WDR75: variants seen among roughly 807,000 people sequenced by gnomAD.
WDR75 encodes WD repeat domain 75.
In WDR75, 52 loss-of-function variants were observed where a neutral mutation model predicts 106.1. That is an observed-to-expected ratio of 0.49 (90% CI 0.39 to 0.62). The LOEUF is 0.62. WDR75 is among the 20% of genes least tolerant of loss of function. The probability of loss-of-function intolerance (pLI) is 0.00; values close to 1 mark genes in which losing one functional copy is unlikely to be tolerated. For missense variants in WDR75, 905 were observed against 970.3 expected, an observed-to-expected ratio of 0.93 and a Z score of 0.89; for synonymous variants, 333 against 335.5, an observed-to-expected ratio of 0.99 and a Z score of 0.08.
chr2:189,447,017 T>C (rs751177441), intron 1 of WDR75, among the ~76,000 whole-genome samples: 3 of 152,200 alleles, frequency 2.0e-5, no homozygotes, highest in Admixed American at 6.5e-5. Context: ...ATGATTCATG[T>C]CTCAGGTGAG....
chr2:189,473,948 A>T (rs1205767584), intron 18 of WDR75, among the ~76,000 whole-genome samples: 1 of 152,190 alleles, frequency 6.6e-6, no homozygotes, highest in Non-Finnish European at 1.5e-5. Context: ...TTGGTGAAGA[A>T]GCAGTGGTAA....
chr2:189,446,763 A>G (rs1686507531), intron 1 of WDR75, among the ~76,000 whole-genome samples: 1 of 152,230 alleles, frequency 6.6e-6, no homozygotes, highest in Non-Finnish European at 1.5e-5. Flanking sequence ...CTATACATAC[A>G]TACCTATGAT....
chr2:189,456,365 G>A (rs545465797), intron 5 of WDR75, among the ~76,000 whole-genome samples: 1 of 152,110 alleles, frequency 6.6e-6, no homozygotes, highest in African/African-American at 2.4e-5. Flanking sequence ...GCTCCAAAAT[G>A]TAAATTAACC....
chr2:189,460,440 TC>T (rs1686854412), intron 8 of WDR75, among the ~76,000 whole-genome samples: 1 of 152,096 alleles, frequency 6.6e-6, no homozygotes, highest in African/African-American at 2.4e-5. Context: ...TCCTTCCCAC[TC>T]CACACCCTCA....
intron 1 of WDR75, among the ~76,000 whole-genome samples, chr2:189,444,095 G>GA (rs1366744723): frequency 4.1e-5 from 6 of 147,024 alleles, no homozygotes; most frequent in Admixed American, 2.7e-4. Context: ...AAGATTTAGA[G>GA]ATTTTTTTTT....
rs146714129 is a variant in WDR75 at position 189,470,830 on chromosome 2, A to T, written c.2001A>T (p.Thr667=). The part of the protein sequence containing the change: ...YFLTKSQSLL[T]FSTKSPEEKL... ...TTCTCTCTTTTCAGAGTTTATTGAC[A>T]TTCAGTACAAAGTCTCCAGAAGAAA... is the stretch of plus-strand genomic sequence containing the variant. The change falls in exon 18 of 21, where the codon ACA becomes ACT. Residue 667 remains threonine (T), a synonymous_variant. Coordinates refer to ENST00000314761, the MANE Select transcript of WDR75 (RefSeq NM_032168.3). 2.8e-4 allele frequency: 446 copies of T among 1,591,314 alleles called. 1 individual carries two copies. Among genetic ancestry groups the T allele is most frequent in the Non-Finnish European group, 3.4e-4 (402 of 1,170,390 alleles).
chr2:189,456,294 T>C (rs1686735294), intron 5 of WDR75, among the ~76,000 whole-genome samples: 1 of 152,136 alleles, frequency 6.6e-6, no homozygotes, highest in Admixed American at 6.5e-5. Flanking sequence ...ATTCCATTCC[T>C]ACATAAAGAG....
In WDR75 at chr2:189,468,544, C is replaced by T. The variant is rs757430244; in HGVS notation, c.1698C>T (p.Cys566=). 3 of 1,613,176 alleles carry T rather than the reference C, an allele frequency of 1.9e-6. No homozygotes were observed. Among genetic ancestry groups the T allele is most frequent in the Non-Finnish European group, 1.7e-6 (2 of 1,179,366 alleles). Residue 566 remains cysteine, a synonymous_variant, in exon 15 of 21, where the codon TGC becomes TGT. Coordinates refer to ENST00000314761, the MANE Select transcript of WDR75 (RefSeq NM_032168.3). ...LLGATENGIL[C]CWNLLSCALE... ...GTGCTACTGAAAATGGCATTCTTTGCTGTTGGAATCTGCTGAGCTGTGCAT... is the reference window on the plus strand; with the variant it reads ...GTGCTACTGAAAATGGCATTCTTTGTTGTTGGAATCTGCTGAGCTGTGCAT...
Position 189,475,521 on chromosome 2 carries a change from T to C in WDR75, c.*104T>C. ...TATTTCTGTTCTAAAAATAAGATAA[T>C]AAATATTAACAAACTTTGCTTTTTT... is the stretch of plus-strand genomic sequence containing the variant. On this transcript the variant is annotated 3_prime_UTR_variant, in exon 21 of 21. Coordinates refer to ENST00000314761, the MANE Select transcript of WDR75 (RefSeq NM_032168.3). 1 of 747,814 alleles carries C rather than the reference T, an allele frequency of 1.3e-6. No homozygotes were observed. The highest frequency in any genetic ancestry group is 2.0e-6 in the Non-Finnish European group (1 of 491,798). 46.3% of individuals were successfully genotyped at this position (747,814 alleles called of 1,614,324 possible). A position where few individuals can be genotyped will look rare whatever the true frequency, so the allele number is the denominator to read the frequency against.
chr2:189,445,874 C>A (rs1686489331), intron 1 of WDR75, among the ~76,000 whole-genome samples: 1 of 152,082 alleles, frequency 6.6e-6, no homozygotes, highest in Admixed American at 6.5e-5. Context: ...ATGTAGATAG[C>A]AGAGAGTGCA....
intron 1 of WDR75, among the ~76,000 whole-genome samples, chr2:189,442,018 C>G (rs371627111): frequency 2.0e-5 from 3 of 152,122 alleles, no homozygotes; most frequent in African/African-American, 7.2e-5. Context: ...GCAGTCTTTT[C>G]GGAACTTTAC....
At chr2:189,449,256 T>C (rs1385948926) in intron 2 of WDR75, 3 of 1,303,578 alleles carry the variant, frequency 2.3e-6, no homozygotes, top group Non-Finnish European at 2.0e-6. Flanking sequence ...CACAGCCAAC[T>C]TGGAAGTTAT....
intron 12 of WDR75, among the ~76,000 whole-genome samples, chr2:189,465,950 A>G (rs1283594909): frequency 6.6e-6 from 1 of 152,170 alleles, no homozygotes; most frequent in African/African-American, 2.4e-5. Flanking sequence ...AATAAGCTTT[A>G]AGAAGTCATT....
intron 13 of WDR75, among the ~76,000 whole-genome samples, chr2:189,467,127 A>G (rs1687019154): frequency 6.6e-6 from 1 of 152,108 alleles, no homozygotes; most frequent in South Asian, 2.1e-4. Flanking sequence ...AACTGCAGAT[A>G]GTACCGAACC....
At chr2:189,469,464 T>TA in intron 16 of WDR75, 25 bp downstream of exon 16, 1 of 1,551,824 alleles carries the variant, frequency 6.4e-7, no homozygotes, top group South Asian at 1.1e-5. Context: ...CACTTTGTAG[T>TA]AAGAGAACAT....
intron 6 of WDR75, 36 bp downstream of exon 6, chr2:189,457,417 C>A: frequency 7.6e-7 from 1 of 1,320,770 alleles, no homozygotes; most frequent in Non-Finnish European, 1.1e-6. Context: ...ATTTTATTTG[C>A]TCAAGAGTTC....
chr2:189,442,596 G>A (rs1322280109), intron 1 of WDR75, among the ~76,000 whole-genome samples: 1 of 151,670 alleles, frequency 6.6e-6, no homozygotes, highest in Non-Finnish European at 1.5e-5. Context: ...TATTATAAGC[G>A]CGGGCCACCA....
Position 189,474,782 on chromosome 2 carries a change from A to G in WDR75, c.2262A>G (p.Ser754=). The G allele has an allele frequency of 6.2e-7, 1 of 1,613,994 alleles. No homozygotes were observed. The highest frequency in any genetic ancestry group is 8.5e-7 in the Non-Finnish European group (1 of 1,179,916). The change falls in exon 20 of 21, where the codon TCA becomes TCG. Residue 754 remains serine (S), a synonymous_variant. Coordinates refer to ENST00000314761, the MANE Select transcript of WDR75 (RefSeq NM_032168.3). ...TCCTGTGCTCCATGTTTGTAAATTCATTGCTGCTGTCTAAAGAGACTAAGA... is the reference window on the plus strand; with the variant it reads ...TCCTGTGCTCCATGTTTGTAAATTCGTTGCTGCTGTCTAAAGAGACTAAGA... ...AAFLCSMFVN[S]LLLSKETKSA...
chr2:189,454,492 G>A (rs1186575667), intron 4 of WDR75, among the ~76,000 whole-genome samples: 1 of 151,660 alleles, frequency 6.6e-6, no homozygotes, highest in Non-Finnish European at 1.5e-5. Context: ...AATGTAAAAT[G>A]CACCAGTAAG....
Sources: allele counts gnomAD v4.1 joint callset (sites outside exome capture counted in the v4.1 genomes callset), GRCh38; gene constraint gnomAD v4.1.1; transcripts MANE v1.5; gene names NCBI Gene and HGNC (gene_info 2026-07-23, HGNC 2026-07-21).